The following CDH12 variants were observed in gnomAD, a reference collection of about 807,000 sequenced individuals.
The protein encoded by CDH12 is cadherin-12.
CDH12 carries 41 observed loss-of-function variants against 74.1 expected under a neutral mutation model. The ratio of observed to expected loss-of-function variants is 0.55; its 90% CI spans 0.43 to 0.72. The LOEUF (loss-of-function observed/expected upper bound fraction) is 0.72. Ranked by LOEUF, CDH12 falls within the 30% of genes least tolerant of loss-of-function variation. The pLI, the probability that CDH12 is intolerant of heterozygous loss-of-function variation, is 0.00. For missense variants in CDH12, 945 were observed against 977.2 expected, an observed-to-expected ratio of 0.97 and a Z score of 0.44; for synonymous variants, 399 against 355.0, an observed-to-expected ratio of 1.12 and a Z score of -1.39.
chr5:22,795,734 A>G (rs898660455), intron 1 of CDH12, among the ~76,000 whole-genome samples: 5 of 151,834 alleles, frequency 3.3e-5, no homozygotes, highest in African/African-American at 7.3e-5. Flanking sequence ...CTATAAAAGC[A>G]AAGGCTAGTG....
At chr5:22,670,475 A>G (rs2126912609) in intron 1 of CDH12, among the ~76,000 whole-genome samples, 1 of 152,304 alleles carries the variant, frequency 6.6e-6, no homozygotes, top group East Asian at 1.9e-4. Flanking sequence ...TAGATTATAA[A>G]TTCCTTCTAG....
chr5:22,060,042 C>T (rs1480141981), intron 5 of CDH12, among the ~76,000 whole-genome samples: 1 of 152,084 alleles, frequency 6.6e-6, no homozygotes, highest in East Asian at 1.9e-4. Context: ...GGACTTGGGA[C>T]ATTTATTCAT....
intron 4 of CDH12, among the ~76,000 whole-genome samples, chr5:22,169,115 T>C (rs1461325825): frequency 6.6e-6 from 1 of 151,660 alleles, no homozygotes; most frequent in East Asian, 1.9e-4. Flanking sequence ...TGTCTTCCTG[T>C]CTCCCTCTCT....
At chr5:21,774,491 G>A (rs950378727) in intron 11 of CDH12, 9 of 152,114 alleles carry the variant, frequency 5.9e-5, no homozygotes, top group African/African-American at 2.2e-4. Context: ...TCTATTGTGG[G>A]ACCTCATCTT....
intron 3 of CDH12, among the ~76,000 whole-genome samples, chr5:22,220,161 A>G (rs1751961975): frequency 6.6e-6 from 1 of 151,786 alleles, no homozygotes; most frequent in African/African-American, 2.4e-5. Context: ...ATACAGTGCT[A>G]TATCTCAGGA....
intron 4 of CDH12, among the ~76,000 whole-genome samples, chr5:22,148,697 C>G (rs974151851): frequency 1.3e-5 from 2 of 152,160 alleles, no homozygotes; most frequent in African/African-American, 4.8e-5. Context: ...CTTGTCACTC[C>G]GTGGCATTCC....
chr5:21,990,312 T>C (rs1024197731), intron 5 of CDH12, among the ~76,000 whole-genome samples: 13 of 152,252 alleles, frequency 8.5e-5, no homozygotes, highest in Non-Finnish European at 1.5e-4. Context: ...GTTTGGCATA[T>C]AGGGTGTATA....
At chr5:22,375,898 T>G (rs1414050027) in intron 3 of CDH12, among the ~76,000 whole-genome samples, 2 of 152,102 alleles carry the variant, frequency 1.3e-5, no homozygotes, top group Admixed American at 6.5e-5. Context: ...GAAAACAGTA[T>G]GGAGATTTCT....
chr5:22,782,748 T>A (rs989118596), intron 1 of CDH12, among the ~76,000 whole-genome samples: 4 of 152,184 alleles, frequency 2.6e-5, no homozygotes, highest in African/African-American at 9.6e-5. Flanking sequence ...TCTGCTTGTT[T>A]CTTACCTGCT....
intron 1 of CDH12, among the ~76,000 whole-genome samples, chr5:22,741,217 G>T (rs184430011): frequency 1.3e-5 from 2 of 152,262 alleles, no homozygotes; most frequent in Admixed American, 6.5e-5. Context: ...CAGTTTTCAT[G>T]AAACATACCC....
Position 22,657,490 on chromosome 5 carries a change from G to A in CDH12, c.-522-152126C>T, listed in dbSNP as rs140944789. On this transcript the variant is annotated intron_variant, in intron 1 of 14. Transcript: ENST00000382254. Reference sequence around the variant, plus strand: ...CACAGAAATCATTGGTTTTTCTTACGACACACAATTTACATTACTTACTAC... The same window carrying A: ...CACAGAAATCATTGGTTTTTCTTACAACACACAATTTACATTACTTACTAC... Among the ~76,000 whole-genome samples the A allele has an allele frequency of 4.6e-3, 699 of 152,152 alleles. 3 individuals carry two copies. The highest frequency in any genetic ancestry group is 0.016 in the African/African-American group (646 of 41,514).
intron 3 of CDH12, among the ~76,000 whole-genome samples, chr5:22,318,377 A>T (rs1273532279): frequency 6.6e-6 from 1 of 152,158 alleles, no homozygotes; most frequent in Non-Finnish European, 1.5e-5. Flanking sequence ...TACCTTGATG[A>T]TATACTATTC....
chr5:22,546,375 T>C (rs540589788), intron 1 of CDH12, among the ~76,000 whole-genome samples: 59 of 152,234 alleles, frequency 3.9e-4, no homozygotes, highest in Admixed American at 1.4e-3. Flanking sequence ...CAGCACTGAG[T>C]CTAGCGAAAA....
At chr5:21,904,341 G>C (rs972062716) in intron 6 of CDH12, among the ~76,000 whole-genome samples, 1 of 152,130 alleles carries the variant, frequency 6.6e-6, no homozygotes, top group Non-Finnish European at 1.5e-5. Flanking sequence ...AAAGGGGAGA[G>C]AACACAAGAG....
chr5:21,883,647 G>T, intron 6 of CDH12: 1 of 1,612,206 alleles, frequency 6.2e-7, no homozygotes, highest in South Asian at 1.1e-5. Flanking sequence ...TGTGACCAAA[G>T]ACGATGCCAT....
intron 2 of CDH12, among the ~76,000 whole-genome samples, chr5:22,433,254 T>C (rs1744245000): frequency 6.6e-6 from 1 of 152,186 alleles, no homozygotes; most frequent in Non-Finnish European, 1.5e-5. Context: ...GTTGGTATAC[T>C]ATTCCCAATG....
intron 5 of CDH12, among the ~76,000 whole-genome samples, chr5:22,056,888 T>G (rs1306744429): frequency 6.6e-6 from 1 of 152,112 alleles, no homozygotes; most frequent in African/African-American, 2.4e-5. Context: ...AGCCGACAAT[T>G]CTTCCATTGC....
intron 1 of CDH12, among the ~76,000 whole-genome samples, chr5:22,567,847 G>A (rs1251484606): frequency 6.6e-6 from 1 of 152,164 alleles, no homozygotes; most frequent in African/African-American, 2.4e-5. Context: ...CTGACGTACA[G>A]ATAAAACATT....
chr5:22,850,604 C>T lies in CDH12; in HGVS notation c.-523+2454G>A, dbSNP rs1268810789. ...TACTAGATTATAAGCAAAATGTTCTCTATTGATGTAATGATCACATGATAA... is the reference window on the plus strand; with the variant it reads ...TACTAGATTATAAGCAAAATGTTCTTTATTGATGTAATGATCACATGATAA... On this transcript the variant is annotated intron_variant, in intron 1 of 14. Coordinates refer to ENST00000382254, the MANE Select transcript of CDH12 (RefSeq NM_004061.5). 3.3e-5 allele frequency among the ~76,000 whole-genome samples: 5 copies of T among 152,038 alleles called. No individual in the cohort carries two copies. In the South Asian group the frequency reaches 8.3e-4, roughly 25 times the overall value.
Sources: allele counts gnomAD v4.1 joint callset (sites outside exome capture counted in the v4.1 genomes callset), GRCh38; gene constraint gnomAD v4.1.1; transcripts MANE v1.5; gene names NCBI Gene and HGNC (gene_info 2026-07-23, HGNC 2026-07-21).